SETD1B: variants seen among roughly 807,000 people sequenced by gnomAD.
SETD1B encodes SET domain containing 1B, histone lysine methyltransferase.
Under a neutral mutation model 148.0 loss-of-function variants are expected in SETD1B, and 7 were observed. That is an observed-to-expected ratio of 0.05 (90% CI 0.03 to 0.09). The LOEUF is 0.09. Ranked by LOEUF, SETD1B falls within the 10% of genes least tolerant of loss-of-function variation. SETD1B has a pLI of 1.00. For missense variants in SETD1B, 2,155 were observed against 2,729.9 expected (o/e 0.79, Z 4.69); for synonymous variants, 1,361 against 1,186.5 (o/e 1.15, Z -3.02).
chr12:121,809,966 G>A lies in SETD1B; in HGVS notation c.1021G>A (p.Gly341Arg), dbSNP rs1426898475. ...TTCTCCCGCGGTCACTGCGGTGGCC[G>A]GGGCCACAGCCGCTTTCCGGGGTTC... ...HNSPAVTAVA[G>R]ATAAFRGSSD... Residue 341 changes from glycine to arginine, a missense_variant, in exon 6 of 17, where the codon GGG becomes AGG. By Grantham distance (125) the Gly-to-Arg change is moderately radical. This residue lies in a region of SETD1B where 376 missense variants were observed against 385.0 expected (regional missense o/e 0.98). Transcript: ENST00000604567. The A allele has an allele frequency of 1.3e-5, 20 of 1,550,674 alleles. No homozygotes were observed. Among genetic ancestry groups the A allele is most frequent in the African/African-American group, 5.5e-5 (4 of 73,028 alleles).
At chr12:121,825,967 C>G (rs1484240392) in intron 13 of SETD1B, among the ~76,000 whole-genome samples, 1 of 152,002 alleles carries the variant, frequency 6.6e-6, no homozygotes, top group Non-Finnish European at 1.5e-5. Context: ...TTTTTTAATC[C>G]AGTAAATATC....
chr12:121,800,532 C>T (rs1281568330), upstream of SETD1B: 1 of 151,834 alleles, frequency 6.6e-6, no homozygotes, highest in Non-Finnish European at 1.5e-5. Flanking sequence ...CCGCCGACCC[C>T]GTGGCCCTCG....
At position 121,812,202 on chromosome 12, in the gene SETD1B, G is replaced by A. The variant is rs78865959; in HGVS notation, c.1890+1367G>A. On this transcript the variant is annotated intron_variant, in intron 6 of 16. Coordinates refer to ENST00000604567, the MANE Select transcript of SETD1B (RefSeq NM_001353345.2). ...GGCTTTCTGCGGCCGCGCGCAGTGC[G>A]GGGAGCTGGACCCCGTCCCATCCTA... Among the ~76,000 whole-genome samples the A allele has an allele frequency of 1.8e-3, 276 of 152,260 alleles. 5 individuals carry two copies. The highest frequency in any genetic ancestry group is 6.3e-3 in the African/African-American group (263 of 41,542).
In SETD1B at chr12:121,804,384, T is replaced by TAGC. The variant is rs1875599002; in HGVS notation, c.-15+152_-15+154dup. 6.9e-6 allele frequency among the ~76,000 whole-genome samples: 1 copy of TAGC among 145,290 alleles called. No individual in the cohort carries two copies. Among genetic ancestry groups the TAGC allele is most frequent in the East Asian group, 2.1e-4 (1 of 4,848 alleles). ...GCCTCGCGCCAGAGCCGGGCCGAGC[T>TAGC]AGCGGGTGAGCGCCACGCCGGGCGG... On this transcript the variant is annotated intron_variant, in intron 1 of 16. Transcript: ENST00000604567. The surrounding 1 kb of genome is among the most constrained non-coding windows in gnomAD (Gnocchi z 4.6).
intron 13 of SETD1B, among the ~76,000 whole-genome samples, chr12:121,827,200 T>C (rs2242259): frequency 0.44 from 67,205 of 151,624 alleles, 16,806 homozygotes; most frequent in Middle Eastern, 0.64. Context: ...TCCCCGATTT[T>C]GAACGCTTGT....
Position 121,809,694 on chromosome 12 carries a change from C to A in SETD1B, c.749C>A (p.Thr250Lys), listed in dbSNP as rs1875919881. ...SSSVTPNSGGTPFSQDTAYSS... is the reference protein window; with the variant it reads ...SSSVTPNSGGKPFSQDTAYSS... ...TCTGTCACCCCCAATAGCGGTGGGA[C>A]ACCCTTCTCCCAGGACACAGCTTAT... Residue 250 changes from threonine (T) to lysine (K), a missense_variant, in exon 6 of 17, where the codon ACA becomes AAA. Around this residue, in one of 11 missense-constraint regions of SETD1B, gnomAD observed 376 missense variants for 385.0 expected, o/e 0.98. Transcript: ENST00000604567. 1 of 1,551,532 alleles carries A rather than the reference C, an allele frequency of 6.4e-7. No homozygotes were observed. Among genetic ancestry groups the A allele is most frequent in the Non-Finnish European group, 8.7e-7 (1 of 1,146,998 alleles).
chr12:121,794,933 G>C, the SETD1B span, among the ~76,000 whole-genome samples: 55 of 152,188 alleles, frequency 3.6e-4, 1 homozygote, highest in Admixed American at 3.4e-3. Context: ...CTCAGATAGG[G>C]GCTGGCAGGA....
At chr12:121,825,428 A>G in intron 13 of SETD1B, 62 bp downstream of exon 13, 1 of 1,478,884 alleles carries the variant, frequency 6.8e-7, no homozygotes, top group African/African-American at 1.4e-5. Flanking sequence ...GATCCAGGGC[A>G]CTCATGGAGG....
rs972881830 is a variant in SETD1B, at chr12:121,804,934, C to A, written c.174+23C>A. ...GCGGTGAGTAGCCGGCGCGCCCCCC[C>A]AGCCGTGCCCCGCGTCGTGTCCGGG... On this transcript the variant is annotated intron_variant, in intron 2 of 16. Coordinates refer to ENST00000604567, the MANE Select transcript of SETD1B (RefSeq NM_001353345.2). The surrounding 1 kb of genome is among the most constrained non-coding windows in gnomAD (Gnocchi z 4.6). 16 of 1,479,978 alleles carry A rather than the reference C, an allele frequency of 1.1e-5. 1 individual carries two copies. The highest frequency in any genetic ancestry group is 5.5e-5 in the South Asian group (4 of 72,676). The allele number at this position is 1,479,978 out of a possible 1,614,324, so 91.7% of individuals were successfully genotyped here. A position where few individuals can be genotyped will look rare whatever the true frequency, so the allele number is the denominator to read the frequency against.
chr12:121,811,428 G>C (rs1876028317), intron 6 of SETD1B, among the ~76,000 whole-genome samples: 2 of 145,618 alleles, frequency 1.4e-5, no homozygotes, highest in Admixed American at 7.0e-5. Context: ...GGAGTTAAGA[G>C]CTAACTTGGG....
chr12:121,804,583 A>C lies in SETD1B; in HGVS notation c.-14-141A>C. ...CTCGCTCCATTCTTGTTTTGGGGGG[A>C]GCCAGCGAGACAGCTCCTTTCGGGG... On this transcript the variant is annotated intron_variant, in intron 1 of 16. Transcript: ENST00000604567. This position sits in a 1 kb window ranked among gnomAD's most constrained non-coding sequence, Gnocchi z 4.6. 1 of 632,322 alleles carries C rather than the reference A, an allele frequency of 1.6e-6. No individual in the cohort carries two copies. The highest frequency in any genetic ancestry group is 2.6e-6 in the Non-Finnish European group (1 of 380,074). 39.2% of individuals were successfully genotyped at this position (632,322 alleles called of 1,614,324 possible). A position where few individuals can be genotyped will look rare whatever the true frequency, so the allele number is the denominator to read the frequency against.
rs371195465 is a variant in SETD1B at position 121,827,770 on chromosome 12, C to T, written c.5505C>T (p.His1835=). 36 of 1,552,850 alleles carry T rather than the reference C, an allele frequency of 2.3e-5. No homozygotes were observed. The African/African-American group carries it at 4.6e-4, about 20-fold the overall frequency. The part of the protein sequence containing the change: ...RKKKLKFCKS[H]IHDWGLFAME... ...AAAAGCTCAAGTTCTGCAAGAGCCACATTCACGACTGGGGCTTGTTCGCCA... is the reference window on the plus strand; with the variant it reads ...AAAAGCTCAAGTTCTGCAAGAGCCATATTCACGACTGGGGCTTGTTCGCCA... The change falls in exon 15 of 17, where the codon CAC becomes CAT. Residue 1835 remains histidine (H), a synonymous_variant. Coordinates refer to ENST00000604567, the MANE Select transcript of SETD1B (RefSeq NM_001353345.2).
Position 121,822,599 on chromosome 12 carries a change from T to G in SETD1B, c.4020T>G (p.Pro1340=), listed in dbSNP as rs756861921. The G allele has an allele frequency of 6.5e-7, 1 of 1,549,962 alleles. No individual in the cohort carries two copies. Among genetic ancestry groups the G allele is most frequent in the Non-Finnish European group, 8.7e-7 (1 of 1,146,224 alleles). ...PPRPPSPPPE[P]ETTDASHPSV... Reference sequence around the variant, plus strand: ...GGCCACCCAGCCCACCGCCGGAGCCTGAGACCACAGATGCCTCACACCCAT... The same window carrying G: ...GGCCACCCAGCCCACCGCCGGAGCCGGAGACCACAGATGCCTCACACCCAT... Residue 1340 remains proline (P), a synonymous_variant, in exon 12 of 17, where the codon CCT becomes CCG. Transcript: ENST00000604567.
chr12:121,816,889 T>A, intron 7 of SETD1B, 144 bp from the exon 8 acceptor site: 1 of 700,300 alleles, frequency 1.4e-6, no homozygotes. Context: ...AACGGCATAG[T>A]GTGGCCAGGT....
chr12:121,810,525 A>C lies in SETD1B; in HGVS notation c.1580A>C (p.Gln527Pro). 1.9e-6 allele frequency: 3 copies of C among 1,546,320 alleles called. No homozygotes were observed. The highest frequency in any genetic ancestry group is 2.6e-6 in the Non-Finnish European group (3 of 1,146,980). The change falls in exon 6 of 17, where the codon CAG becomes CCG. Residue 527 changes from glutamine (Q) to proline (P), a missense_variant. By Grantham distance (76) the Gln-to-Pro change is moderately conservative. This residue lies in a region of SETD1B where 295 missense variants were observed against 303.8 expected (regional missense o/e 0.97). Transcript: ENST00000604567. The surrounding 1 kb of genome is among the most constrained non-coding windows in gnomAD (Gnocchi z 7.6). ...LREPDSDTEL[Q>P]MEGSPISSSS... ...GAGCCGGACTCGGACACCGAGCTGC[A>C]GATGGAGGGCAGCCCCATCTCCTCC... is the stretch of plus-strand genomic sequence containing the variant.
In SETD1B at chr12:121,817,302, C is replaced by T. The variant is rs1876336477; in HGVS notation, c.2977+8C>T. ...TGGATGAGGAAGATGAAGGTTCGTG[C>T]TCTGGGTGCTGGGGTCCCCTTCTTC... On this transcript the variant is annotated splice_region_variant and intron_variant, in intron 8 of 16. Coordinates refer to ENST00000604567, the MANE Select transcript of SETD1B (RefSeq NM_001353345.2). This position sits in a 1 kb window ranked among gnomAD's most constrained non-coding sequence, Gnocchi z 8.1. The T allele has an allele frequency of 6.5e-7, 1 of 1,548,572 alleles. No individual in the cohort carries two copies. The highest frequency in any genetic ancestry group is 8.7e-7 in the Non-Finnish European group (1 of 1,145,472).
At chr12:121,797,707 G>A in the SETD1B span, 134 of 423,052 alleles carry the variant, frequency 3.2e-4, no homozygotes, top group South Asian at 1.9e-3. Context: ...GACCCCACCC[G>A]GAGAGCAACG....
At position 121,822,884 on chromosome 12, in the gene SETD1B, C is replaced by A; in HGVS notation, c.4305C>A (p.Thr1435=). The change falls in exon 12 of 17, where the codon ACC becomes ACA. Residue 1435 remains threonine (T), a synonymous_variant. Coordinates refer to ENST00000604567, the MANE Select transcript of SETD1B (RefSeq NM_001353345.2). Reference sequence around the variant, plus strand: ...GCCGGGACTTCAGCTTCACACCCACCTTCTCCGAGCCCAGCGGGCCCTTGC... The same window carrying A: ...GCCGGGACTTCAGCTTCACACCCACATTCTCCGAGCCCAGCGGGCCCTTGC... ...TPGRDFSFTP[T]FSEPSGPLLL... 1.3e-6 allele frequency: 2 copies of A among 1,489,774 alleles called. No individual in the cohort carries two copies. Among genetic ancestry groups the A allele is most frequent in the Admixed American group, 2.4e-5 (1 of 42,214 alleles). The allele number at this position is 1,489,774 out of a possible 1,614,324, so 92.3% of individuals were successfully genotyped here. A position where few individuals can be genotyped will look rare whatever the true frequency, so the allele number is the denominator to read the frequency against.
Position 121,819,715 on chromosome 12 carries a change from G to A in SETD1B, c.3730G>A (p.Glu1244Lys). ...CATCGAGACTGAGGCTGTGGCCCCT[G>A]AGGAGCGGCCCTCCATGCTGGACGA... ...VDIETEAVAP[E>K]ERPSMLDEPP... The change falls in exon 11 of 17, where the codon GAG becomes AAG. Residue 1244 changes from glutamate (E) to lysine (K), a missense_variant. Glu to Lys is a moderately conservative substitution (Grantham distance 56). Coordinates refer to ENST00000604567, the MANE Select transcript of SETD1B (RefSeq NM_001353345.2). The A allele has an allele frequency of 6.4e-7, 1 of 1,551,220 alleles. No homozygotes were observed. Among genetic ancestry groups the A allele is most frequent in the Non-Finnish European group, 8.7e-7 (1 of 1,146,990 alleles).
Sources: gnomAD v4.1 joint callset for allele counts (sites outside exome capture counted in the v4.1 genomes callset) on GRCh38, gnomAD v4.1.1 for gene constraint, gnomAD v4.1.1 regional missense constraint, Gnocchi (gnomAD v3.1) non-coding constraint, MANE v1.5 for transcripts, NCBI Gene and HGNC (gene_info 2026-07-23, HGNC 2026-07-21) for gene names.